The following KLF8 variants were observed in gnomAD, a reference collection of about 807,000 sequenced individuals.
KLF8 encodes the protein KLF transcription factor 8, also known as Krueppel-like factor 8.
KLF8 carries 10 observed loss-of-function variants against 18.2 expected under a neutral mutation model. The ratio of observed to expected loss-of-function variants is 0.55; its 90% CI spans 0.34 to 0.93. KLF8 has a LOEUF of 0.93. Among genes scored for constraint, KLF8 ranks in the 40% least tolerant of loss-of-function variants. KLF8 has a pLI of 0.02. For missense variants in KLF8, 264 were observed against 277.9 expected, an observed-to-expected ratio of 0.95 and a Z score of 0.36; for synonymous variants, 109 against 97.3, an observed-to-expected ratio of 1.12 and a Z score of -0.71.
the KLF8 span, chrX:56,015,140 C>T: frequency 9.0e-6 from 1 of 111,104 alleles, no homozygotes; most frequent in Non-Finnish European, 1.9e-5. Context: ...ACATGTACCC[C>T]TGAACTTAAA....
chrX:55,936,721 G>T, the KLF8 span, among the ~76,000 whole-genome samples: 1 of 112,262 alleles, frequency 8.9e-6, no homozygotes, highest in Non-Finnish European at 1.9e-5. Flanking sequence ...GGCACACCAG[G>T]AGATTATATC....
At chrX:56,158,732 A>AT in the KLF8 span, among the ~76,000 whole-genome samples, 1 of 112,021 alleles carries the variant, frequency 8.9e-6, no homozygotes, top group Admixed American at 9.5e-5. Context: ...TTGCACATTG[A>AT]TTTTGTATCC....
the KLF8 span, among the ~76,000 whole-genome samples, chrX:56,029,444 G>C: frequency 9.0e-6 from 1 of 111,046 alleles, no homozygotes; most frequent in Non-Finnish European, 1.9e-5. Context: ...AACCTGCTTG[G>C]TGGAGACTCT....
At chrX:56,052,047 C>T in the KLF8 span, among the ~76,000 whole-genome samples, 2 of 111,722 alleles carry the variant, frequency 1.8e-5, no homozygotes, top group Admixed American at 9.5e-5. Context: ...ACCCTTTCTT[C>T]CAGTTGATTG....
chrX:56,246,313 G>A (rs1602418997), intron 1 of KLF8, among the ~76,000 whole-genome samples: 1 of 111,657 alleles, frequency 9.0e-6, no homozygotes, highest in Non-Finnish European at 1.9e-5. Flanking sequence ...AGTACATAGT[G>A]TATAGGAGAT....
chrX:56,269,569 G>A (rs967174163), intron 4 of KLF8, 80 bp downstream of exon 4: 1 of 1,063,942 alleles, frequency 9.4e-7, no homozygotes, highest in Non-Finnish European at 1.2e-6. Flanking sequence ...ATATGTATAG[G>A]TGGAACTAAT....
At chrX:56,208,768 C>T in the KLF8 span, among the ~76,000 whole-genome samples, 1 of 111,389 alleles carries the variant, frequency 9.0e-6, no homozygotes, top group African/African-American at 3.3e-5. Flanking sequence ...TTGCACAGTT[C>T]CAAACTTCCT....
At chrX:56,098,686 T>C in the KLF8 span, among the ~76,000 whole-genome samples, 1 of 111,420 alleles carries the variant, frequency 9.0e-6, no homozygotes, top group African/African-American at 3.3e-5. Flanking sequence ...AAGGCAAGAA[T>C]GCCCGCTCTC....
the KLF8 span, among the ~76,000 whole-genome samples, chrX:56,044,201 G>A: frequency 1.1e-5 from 1 of 88,030 alleles, no homozygotes; most frequent in Admixed American, 1.2e-4. Flanking sequence ...ATCCCAGCGG[G>A]GTACTGACCT....
chrX:56,169,626 G>A, the KLF8 span, among the ~76,000 whole-genome samples: 21 of 111,542 alleles, frequency 1.9e-4, no homozygotes, highest in Admixed American at 1.7e-3. Flanking sequence ...AGAGAAGAGT[G>A]GGAAGCACTG....
At chrX:56,191,081 CA>C in the KLF8 span, among the ~76,000 whole-genome samples, 1 of 109,864 alleles carries the variant, frequency 9.1e-6, no homozygotes, top group Non-Finnish European at 1.9e-5. Context: ...CTAAGAAAAA[CA>C]AAAAAGAGAT....
At position 56,233,229 on chromosome X, in the gene KLF8, TG is replaced by T; in HGVS notation, c.-102del. 1 of 962,579 alleles carries T rather than the reference TG, an allele frequency of 1.0e-6. No individual in the cohort carries two copies. The highest frequency in any genetic ancestry group is 1.5e-6 in the Non-Finnish European group (1 of 675,208). 79.3% of individuals were successfully genotyped at this position (962,579 alleles called of 1,213,427 possible). On this transcript the variant is annotated 5_prime_UTR_variant, in exon 1 of 6. An upstream open reading frame in the 5' UTR loses its in-frame stop. Transcript: ENST00000468660. ...CGCGTCGCCCTGCGCTATGTCAGAA[TG>T]GGGCGGGTGTGAGGGGAACAGCTCT...
chrX:56,131,957 TGCACCTAACACTGGA>T, the KLF8 span, among the ~76,000 whole-genome samples: 1 of 111,980 alleles, frequency 8.9e-6, no homozygotes, highest in African/African-American at 3.2e-5. Flanking sequence ...TAAATATATA[TGCACCTAACACTGGA>T]GCTTTCAAAT....
chrX:56,136,036 C>T, the KLF8 span, among the ~76,000 whole-genome samples: 2 of 111,364 alleles, frequency 1.8e-5, no homozygotes, highest in Admixed American at 9.6e-5. Context: ...AGGAATCCAA[C>T]TTACAAGGGA....
chrX:55,942,603 A>G, the KLF8 span, among the ~76,000 whole-genome samples: 1 of 112,056 alleles, frequency 8.9e-6, no homozygotes, highest in African/African-American at 3.2e-5. Flanking sequence ...TACAATGAAA[A>G]TAAATCAGGA....
chrX:56,233,088 T>C lies in KLF8; in HGVS notation c.-247T>C. On this transcript the variant is annotated 5_prime_UTR_variant, in exon 1 of 6. Transcript: ENST00000468660. ...TGGATGCTTGAGAGCTTTGTTTCCC[T>C]TGTTCCGAGAGTGGCCCAGCTGGGT... 2.5e-6 allele frequency: 1 copy of C among 393,336 alleles called. No individual in the cohort carries two copies. The highest frequency in any genetic ancestry group is 2.5e-5 in the African/African-American group (1 of 40,550). The allele number at this position is 393,336 out of a possible 1,213,427, so 32.4% of individuals were successfully genotyped here.
At chrX:56,210,477 T>G in the KLF8 span, among the ~76,000 whole-genome samples, 1 of 111,654 alleles carries the variant, frequency 9.0e-6, no homozygotes, top group Non-Finnish European at 1.9e-5. Context: ...TTCGTTATCC[T>G]TAACTTTTGG....
chrX:55,956,754 T>C, the KLF8 span, among the ~76,000 whole-genome samples: 2 of 112,102 alleles, frequency 1.8e-5, no homozygotes, highest in Non-Finnish European at 3.8e-5. Context: ...TATTTCACAT[T>C]TTGTTGCTGA....
At chrX:56,052,553 G>T in the KLF8 span, among the ~76,000 whole-genome samples, 2 of 111,733 alleles carry the variant, frequency 1.8e-5, no homozygotes, top group Non-Finnish European at 3.8e-5. Flanking sequence ...TGCCCCTGCT[G>T]GGGGGTGCGT....
Sources: gnomAD v4.1 joint callset for allele counts (sites outside exome capture counted in the v4.1 genomes callset) on GRCh38, gnomAD v4.1.1 for gene constraint, MANE v1.5 for transcripts, NCBI Gene and HGNC (gene_info 2026-07-23, HGNC 2026-07-21) for gene names.